SPG21: variants seen among roughly 807,000 people sequenced by gnomAD.
The protein encoded by SPG21 is SPG21 abhydrolase domain containing, maspardin, also known as maspardin.
Under a neutral mutation model 38.9 loss-of-function variants are expected in SPG21, and 26 were observed. The observed-to-expected ratio is 0.67, with a 90% confidence interval of 0.49 to 0.93. The LOEUF (loss-of-function observed/expected upper bound fraction) is 0.93, where lower values mean the gene tolerates loss of function less well. Among genes scored for constraint, SPG21 ranks in the 40% least tolerant of loss-of-function variants. The pLI, the probability that SPG21 is intolerant of heterozygous loss-of-function variation, is 0.00. For synonymous variants in SPG21, 136 were observed against 128.9 expected (o/e 1.05, Z -0.37); for missense variants, 333 against 376.5 (o/e 0.88, Z 0.96).
chr15:64,974,638 T>C lies in SPG21; in HGVS notation c.416A>G (p.Asp139Gly). 1 of 1,614,182 alleles carries C rather than the reference T, an allele frequency of 6.2e-7. No individual in the cohort carries two copies. ...HSLILCNSFS[D>G]TSIFNQTWTA... The stretch of plus-strand genomic sequence containing the variant: ...CCAAGTTTGGTTGAAGATAGAGGTG[T>C]CACTGAAGGAATTGCAGAGGATTAG... The change falls in exon 5 of 9, where the codon GAC (aspartate) becomes GGC (glycine). Residue 139 changes from aspartate to glycine, a missense_variant. Coordinates refer to ENST00000204566, the MANE Select transcript of SPG21 (RefSeq NM_016630.7).
intron 7 of SPG21, among the ~76,000 whole-genome samples, chr15:64,966,463 G>A (rs1406886117): frequency 6.6e-6 from 1 of 152,182 alleles, no homozygotes; most frequent in African/African-American, 2.4e-5. Context: ...AGGGCAGGCA[G>A]AGCAAATGTC....
At chr15:64,967,676 T>C (rs2085570265) in intron 7 of SPG21, among the ~76,000 whole-genome samples, 1 of 152,140 alleles carries the variant, frequency 6.6e-6, no homozygotes, top group South Asian at 2.1e-4. Context: ...TTTCACCACG[T>C]TGGCCAGGAT....
chr15:64,980,326 G>A (rs4776658), intron 3 of SPG21, among the ~76,000 whole-genome samples: 75,360 of 151,968 alleles, frequency 0.5, 20,119 homozygotes, highest in East Asian at 0.82. Flanking sequence ...GGCATGGAGA[G>A]GCTGCCAAAA....
chr15:64,976,614 G>A (rs1432140450), intron 3 of SPG21, 59 bp from the exon 4 acceptor site: 1 of 1,358,114 alleles, frequency 7.4e-7, no homozygotes, highest in Admixed American at 1.8e-5. Flanking sequence ...TGCAACTCAC[G>A]TATTTGAAAA....
In SPG21 at chr15:64,965,474, A is replaced by C. The variant is rs752328613; in HGVS notation, c.670-14T>G. 12 of 1,614,192 alleles carry C rather than the reference A, an allele frequency of 7.4e-6. No homozygotes were observed. The East Asian group carries it at 2.7e-4, about 36-fold the overall frequency. ...CTGATCAAACACCTTTAAAAAACAC[A>C]AAGCTTCAGCACCATAGGAAAGGTA... On this transcript the variant is annotated splice_polypyrimidine_tract_variant and intron_variant, in intron 7 of 8. Transcript: ENST00000204566.
Position 64,965,366 on chromosome 15 carries a change from T to C in SPG21, c.764A>G (p.Asn255Ser). ...TGCACTTCTGCACAGGTATGGGAAA[T>C]TGCCTCCTGTTTTCAGATGAGCTCT... ...ARRAHLKTGG[N>S]FPYLCRSAEV... The change falls in exon 8 of 9, where the codon AAT (asparagine) becomes AGT (serine). Residue 255 changes from asparagine to serine, a missense_variant. Transcript: ENST00000204566. 1 of 1,614,168 alleles carries C rather than the reference T, an allele frequency of 6.2e-7. No homozygotes were observed. Among genetic ancestry groups the C allele is most frequent in the Non-Finnish European group, 8.5e-7 (1 of 1,180,042 alleles).
At chr15:64,965,179 A>G (rs1483327925) in intron 8 of SPG21, 141 bp downstream of exon 8, 1 of 1,139,056 alleles carries the variant, frequency 8.8e-7, no homozygotes, top group Middle Eastern at 2.0e-4. Context: ...ATAAATGTAA[A>G]CCACTTTTAT....
intron 7 of SPG21, among the ~76,000 whole-genome samples, chr15:64,967,323 A>G (rs1000958690): frequency 2.6e-5 from 4 of 152,052 alleles, no homozygotes; most frequent in Non-Finnish European, 5.9e-5. Context: ...AAATATACAT[A>G]TATTTTTTGA....
In SPG21 at chr15:64,989,782, G is replaced by C. The variant is rs979151456; in HGVS notation, c.-142C>G. ...GTCGGGGCGGGCGGCGGAGCACTCG[G>C]GACCCACGGGCACAGCAGGCTGCGC... On this transcript the variant is annotated 5_prime_UTR_variant, in exon 1 of 9. Transcript: ENST00000204566. The C allele has an allele frequency of 6.6e-6, 1 of 152,348 alleles. No individual in the cohort carries two copies. The highest frequency in any genetic ancestry group is 1.5e-5 in the Non-Finnish European group (1 of 68,348). 9.4% of individuals were successfully genotyped at this position (152,348 alleles called of 1,614,324 possible).
intron 1 of SPG21, among the ~76,000 whole-genome samples, chr15:64,984,274 T>C (rs1389278207): frequency 1.3e-5 from 2 of 152,178 alleles, no homozygotes; most frequent in African/African-American, 4.8e-5. Flanking sequence ...TCTTTTGACA[T>C]TACCTTAAGA....
At chr15:64,965,236 C>G in intron 8 of SPG21, 84 bp downstream of exon 8, 1 of 1,555,930 alleles carries the variant, frequency 6.4e-7, no homozygotes, top group East Asian at 2.2e-5. Flanking sequence ...TTCACTGATT[C>G]CCTAACTAGT....
intron 3 of SPG21, among the ~76,000 whole-genome samples, chr15:64,976,812 C>T (rs2085785861): frequency 1.3e-5 from 2 of 152,178 alleles, no homozygotes; most frequent in Admixed American, 6.5e-5. Flanking sequence ...CAATTCCCAT[C>T]AATTTCCTTT....
At chr15:64,972,715 C>T (rs1197103096) in intron 5 of SPG21, among the ~76,000 whole-genome samples, 1 of 152,118 alleles carries the variant, frequency 6.6e-6, no homozygotes, top group Non-Finnish European at 1.5e-5. Context: ...GCCTGTAGTC[C>T]CAGCTATTCG....
rs776212598 is a variant in SPG21, at chr15:64,970,109, C to T, written c.561+5G>A. On this transcript the variant is annotated splice_donor_5th_base_variant and intron_variant, in intron 6 of 8. Coordinates refer to ENST00000204566, the MANE Select transcript of SPG21 (RefSeq NM_016630.7). Reference sequence around the variant, plus strand: ...GTGTCCCCAACCCAATGTCATGATCCTTACCCTGTCTACCATGAAATCAAT... The same window carrying T: ...GTGTCCCCAACCCAATGTCATGATCTTTACCCTGTCTACCATGAAATCAAT... The T allele has an allele frequency of 5.0e-6, 8 of 1,609,908 alleles. No homozygotes were observed. The highest frequency in any genetic ancestry group is 6.8e-6 in the Non-Finnish European group (8 of 1,176,304).
chr15:64,974,101 GTAA>G (rs2085727639), intron 5 of SPG21, among the ~76,000 whole-genome samples: 1 of 138,846 alleles, frequency 7.2e-6, no homozygotes, highest in South Asian at 2.1e-4. Flanking sequence ...AAAATTTAAG[GTAA>G]TAAAAAAAGC....
intron 2 of SPG21, 92 bp downstream of exon 2, chr15:64,983,415 A>T: frequency 1.1e-6 from 1 of 898,178 alleles, no homozygotes; most frequent in Non-Finnish European, 1.8e-6. Flanking sequence ...AGTAACCTTT[A>T]CTCTCAAACA....
At position 64,963,561 on chromosome 15, in the gene SPG21, A is replaced by G; in HGVS notation, c.*59T>C. The G allele has an allele frequency of 7.0e-7, 1 of 1,425,670 alleles. No homozygotes were observed. The highest frequency in any genetic ancestry group is 9.9e-7 in the Non-Finnish European group (1 of 1,010,890). The allele number at this position is 1,425,670 out of a possible 1,614,324, so 88.3% of individuals were successfully genotyped here. A position where few individuals can be genotyped will look rare whatever the true frequency, so the allele number is the denominator to read the frequency against. ...GGAAAAGGCTGGCTGACGGGTGCTG[A>G]TGCCACTGACTATACAAGAACACAC... On this transcript the variant is annotated 3_prime_UTR_variant, in exon 9 of 9. Transcript: ENST00000204566.
chr15:64,972,576 T>A (rs1459892681), intron 5 of SPG21, among the ~76,000 whole-genome samples: 1 of 152,250 alleles, frequency 6.6e-6, no homozygotes, highest in African/African-American at 2.4e-5. Flanking sequence ...CTCATGCCTG[T>A]AATCCCAGCA....
chr15:64,981,099 T>C, intron 2 of SPG21, 74 bp from the exon 3 acceptor site: 2 of 1,567,836 alleles, frequency 1.3e-6, no homozygotes, highest in Non-Finnish European at 1.7e-6. Context: ...CACTGTCATT[T>C]CACTGACAAT....
Sources: gnomAD v4.1 joint callset for allele counts (sites outside exome capture counted in the v4.1 genomes callset) on GRCh38, gnomAD v4.1.1 for gene constraint, MANE v1.5 for transcripts, NCBI Gene and HGNC (gene_info 2026-07-23, HGNC 2026-07-21) for gene names.